The following RADIL variants were observed in gnomAD, a reference collection of about 807,000 sequenced individuals.
RADIL encodes ras-associating and dilute domain-containing protein.
A neutral mutation model predicts 97.6 loss-of-function variants in RADIL; 99 were observed. The ratio of observed to expected loss-of-function variants is 1.01; its 90% CI spans 0.86 to 1.20. The LOEUF is 1.20. RADIL is among the 50% of genes most tolerant of loss of function. The pLI, the probability that RADIL is intolerant of heterozygous loss-of-function variation, is 0.00. For missense variants in RADIL, 1,765 were observed against 1,498.9 expected, an observed-to-expected ratio of 1.18 and a Z score of -2.93; for synonymous variants, 803 against 691.8, an observed-to-expected ratio of 1.16 and a Z score of -2.52.
At position 4,867,296 on chromosome 7, in the gene RADIL, G is replaced by T. The variant is rs953968942; in HGVS notation, c.535+10309C>A. Among the ~76,000 whole-genome samples, 8 of 152,108 alleles carry T rather than the reference G, an allele frequency of 5.3e-5. No homozygotes were observed. The highest frequency in any genetic ancestry group is 1.9e-4 in the African/African-American group (8 of 41,424). On this transcript the variant is annotated intron_variant, in intron 2 of 14. Coordinates refer to ENST00000399583, the MANE Select transcript of RADIL (RefSeq NM_018059.5). This position sits in a 1 kb window ranked among gnomAD's most constrained non-coding sequence, Gnocchi z 4.1. Reference sequence around the variant, plus strand: ...CTGTAATCCAGCAGCTCCGTTCCTGGAAGAATGCCTCCGAGAACTCTGCAC... The same window carrying T: ...CTGTAATCCAGCAGCTCCGTTCCTGTAAGAATGCCTCCGAGAACTCTGCAC...
At chr7:4,802,620 G>C (rs1290001152) in intron 11 of RADIL, among the ~76,000 whole-genome samples, 2 of 132,200 alleles carry the variant, frequency 1.5e-5, no homozygotes, top group African/African-American at 5.6e-5. Context: ...CTCGGGGCAT[G>C]CTGGCTGGAC....
rs1375861881 is a variant in RADIL at position 4,836,473 on chromosome 7, A to G, written c.668T>C (p.Val223Ala). Reference protein sequence around the residue: ...RTVSETSLSPVNALPAAAQGP... With the variant: ...RTVSETSLSPANALPAAAQGP... ...CTGGGCGGCAGCGGGCAGGGCGTTCACTGGGCTCAGGCTGGTCTCACTGAC... is the reference window on the plus strand; with the variant it reads ...CTGGGCGGCAGCGGGCAGGGCGTTCGCTGGGCTCAGGCTGGTCTCACTGAC... Residue 223 changes from valine (V) to alanine (A), a missense_variant, in exon 3 of 15, where the codon GTG becomes GCG. Val to Ala is a moderately conservative substitution (Grantham distance 64). Transcript: ENST00000399583. 6.2e-7 allele frequency: 1 copy of G among 1,606,810 alleles called. No homozygotes were observed. The highest frequency in any genetic ancestry group is 2.2e-5 in the East Asian group (1 of 44,662).
chr7:4,864,662 T>C (rs1328024011), intron 2 of RADIL, among the ~76,000 whole-genome samples: 2 of 152,316 alleles, frequency 1.3e-5, no homozygotes, highest in Non-Finnish European at 2.9e-5. Context: ...GGAGTCATTC[T>C]GGACACCTCC....
At chr7:4,846,970 T>C (rs1783589572) in intron 2 of RADIL, among the ~76,000 whole-genome samples, 1 of 152,102 alleles carries the variant, frequency 6.6e-6, no homozygotes, top group African/African-American at 2.4e-5. Context: ...ATTTGGGAAA[T>C]GCAGAGGAAA....
chr7:4,820,612 T>C (rs1425300809), intron 6 of RADIL, among the ~76,000 whole-genome samples: 1 of 151,968 alleles, frequency 6.6e-6, no homozygotes, highest in African/African-American at 2.4e-5. Context: ...CCCTTCCCTG[T>C]GAAGGAGGGG....
chr7:4,830,836 A>G (rs965891450), intron 5 of RADIL, among the ~76,000 whole-genome samples: 3 of 152,086 alleles, frequency 2.0e-5, no homozygotes, highest in Non-Finnish European at 4.4e-5. Flanking sequence ...AACACGGTGA[A>G]ACCCCGTCTC....
intron 9 of RADIL, among the ~76,000 whole-genome samples, chr7:4,808,247 C>A (rs1261908604): frequency 1.3e-5 from 2 of 151,174 alleles, no homozygotes; most frequent in Admixed American, 1.3e-4. Context: ...CCGCTCCTCA[C>A]CCTCCTCTCT....
At chr7:4,830,769 C>T (rs1254801752) in intron 5 of RADIL, among the ~76,000 whole-genome samples, 1 of 152,042 alleles carries the variant, frequency 6.6e-6, no homozygotes, top group Non-Finnish European at 1.5e-5. Context: ...AATCCCAGCA[C>T]TTTGGGAGGC....
Position 4,799,722 on chromosome 7 carries a change from C to G in RADIL, c.3030G>C (p.Pro1010=). Residue 1010 remains proline, a synonymous_variant, in exon 14 of 15, where the codon CCG becomes CCC. Transcript: ENST00000399583. ...GCCCGTCGGCCGCTGCGGGGCTGCC[C>G]GGGAGCAGGGTCTGGATGTAGAGCC... The part of the protein sequence containing the change: ...APGLYIQTLL[P]GSPAAADGRL... The G allele has an allele frequency of 1.3e-6, 2 of 1,564,610 alleles. No individual in the cohort carries two copies. The highest frequency in any genetic ancestry group is 1.7e-6 in the Non-Finnish European group (2 of 1,157,968).
intron 9 of RADIL, chr7:4,809,183 CG>C: frequency 1.0e-6 from 1 of 985,326 alleles, no homozygotes; most frequent in Non-Finnish European, 1.2e-6. Context: ...CGCTGTCCCC[CG>C]CCTCCCCGGG....
At position 4,819,966 on chromosome 7, in the gene RADIL, G is replaced by A. The variant is rs1422050669; in HGVS notation, c.1615+2428C>T. Among the ~76,000 whole-genome samples, 1 of 152,230 alleles carries A rather than the reference G, an allele frequency of 6.6e-6. No individual in the cohort carries two copies. Among genetic ancestry groups the A allele is most frequent in the Non-Finnish European group, 1.5e-5 (1 of 68,042 alleles). The stretch of plus-strand genomic sequence containing the variant: ...TTCCCATGAAGAGCAGCCAGCACGG[G>A]GACCACATGGGACCCAGCTGCCTGC... On this transcript the variant is annotated intron_variant, in intron 6 of 14. Transcript: ENST00000399583. This position sits in a 1 kb window ranked among gnomAD's most constrained non-coding sequence, Gnocchi z 5.8.
chr7:4,809,069 C>T (rs1400856511), intron 9 of RADIL: 8 of 980,156 alleles, frequency 8.2e-6, no homozygotes, highest in Non-Finnish European at 9.7e-6. Context: ...ATGCCACTGC[C>T]CCTCCGCGTC....
chr7:4,818,683 G>T lies in RADIL; in HGVS notation c.1616-1332C>A, dbSNP rs1782742968. Among the ~76,000 whole-genome samples the T allele has an allele frequency of 6.6e-6, 1 of 152,198 alleles. No individual in the cohort carries two copies. Among genetic ancestry groups the T allele is most frequent in the Admixed American group, 6.5e-5 (1 of 15,286 alleles). ...AGGATATTCACAGCCACGGCAGGCG[G>T]GTCAGGAGGCTGAGCTCTGTCCCGT... is the stretch of plus-strand genomic sequence containing the variant. On this transcript the variant is annotated intron_variant, in intron 6 of 14. Transcript: ENST00000399583. The surrounding 1 kb of genome is among the most constrained non-coding windows in gnomAD (Gnocchi z 7.1).
chr7:4,847,384 C>T (rs1783598770), intron 2 of RADIL, among the ~76,000 whole-genome samples: 1 of 152,242 alleles, frequency 6.6e-6, no homozygotes, highest in Non-Finnish European at 1.5e-5. Context: ...ACCCCTCATA[C>T]ACGATTGCTG....
intron 2 of RADIL, chr7:4,865,744 T>C: frequency 1.9e-6 from 2 of 1,067,636 alleles, no homozygotes; most frequent in South Asian, 2.5e-5. Flanking sequence ...AAGAGTGAAC[T>C]TCAGAACCTG....
chr7:4,799,571 C>T (rs1294875916), intron 14 of RADIL, 59 bp downstream of exon 14: 5 of 1,609,656 alleles, frequency 3.1e-6, no homozygotes, highest in African/African-American at 2.7e-5. Flanking sequence ...TACCCCAGGT[C>T]CACTCCCCTG....
At chr7:4,806,191 G>A (rs1456455040) in intron 9 of RADIL, among the ~76,000 whole-genome samples, 5 of 152,204 alleles carry the variant, frequency 3.3e-5, no homozygotes, top group Admixed American at 6.5e-5. Context: ...ATGCTGTCAC[G>A]CAGGTTGGGG....
In RADIL at chr7:4,873,210, C is replaced by T. The variant is rs150699222; in HGVS notation, c.535+4395G>A. Among the ~76,000 whole-genome samples the T allele has an allele frequency of 1.2e-3, 180 of 152,160 alleles. No homozygotes were observed. The highest frequency in any genetic ancestry group is 4.0e-3 in the African/African-American group (167 of 41,518). The stretch of plus-strand genomic sequence containing the variant: ...GGCCTCCCAAAGTGCTGGGATTACA[C>T]GCGTGAGCCACCGCGCCCGGCCAAG... On this transcript the variant is annotated intron_variant, in intron 2 of 14. Transcript: ENST00000399583. This position sits in a 1 kb window ranked among gnomAD's most constrained non-coding sequence, Gnocchi z 4.3.
chr7:4,822,533 G>A lies in RADIL; in HGVS notation c.1476C>T (p.Ala492=). 7 of 1,613,014 alleles carry A rather than the reference G, an allele frequency of 4.3e-6. No homozygotes were observed. The highest frequency in any genetic ancestry group is 5.9e-6 in the Non-Finnish European group (7 of 1,179,976). Residue 492 remains alanine (A), a synonymous_variant, in exon 6 of 15, where the codon GCC becomes GCT. Transcript: ENST00000399583. The surrounding 1 kb of genome is among the most constrained non-coding windows in gnomAD (Gnocchi z 5.3). ...QAQLQEPISL[A]SCAMADLVPD... ...GAACCAGATCAGCCATGGCGCAGCT[G>A]GCCAGCGAGATGGGCTCCTGGCTAC... is the stretch of plus-strand genomic sequence containing the variant.
Sources: allele counts gnomAD v4.1 joint callset (sites outside exome capture counted in the v4.1 genomes callset), GRCh38; gene constraint gnomAD v4.1.1; non-coding constraint Gnocchi (gnomAD v3.1); transcripts MANE v1.5; gene names NCBI Gene and HGNC (gene_info 2026-07-23, HGNC 2026-07-21).